TMTC2: variants seen among roughly 807,000 people sequenced by gnomAD.
TMTC2 encodes transmembrane O-mannosyltransferase targeting cadherins 2, also known as protein O-mannosyl-transferase TMTC2.
In TMTC2, 43 loss-of-function variants were observed where a neutral mutation model predicts 82.4. The ratio of observed to expected loss-of-function variants is 0.52; its 90% confidence interval spans 0.41 to 0.67. The LOEUF is 0.67. Ranked by LOEUF, TMTC2 falls within the 30% of genes least tolerant of loss-of-function variation. TMTC2 has a pLI of 0.00. For missense variants in TMTC2, 919 were observed against 1,012.4 expected (o/e 0.91, Z 1.25); for synonymous variants, 408 against 381.9 (o/e 1.07, Z -0.80).
intron 2 of TMTC2, among the ~76,000 whole-genome samples, chr12:82,879,255 G>C (rs561683285): frequency 1.3e-5 from 2 of 152,260 alleles, no homozygotes; most frequent in African/African-American, 4.8e-5. Context: ...GGGTATTGTA[G>C]GGTTTAGTGT....
chr12:82,727,715 T>A (rs1874533354), intron 1 of TMTC2, among the ~76,000 whole-genome samples: 1 of 143,662 alleles, frequency 7.0e-6, no homozygotes, highest in African/African-American at 2.5e-5. Context: ...AGTGAGAGTG[T>A]CTCAAAAAAA....
intron 4 of TMTC2, among the ~76,000 whole-genome samples, chr12:82,935,263 T>C (rs1038321377): frequency 6.6e-6 from 1 of 152,152 alleles, no homozygotes; most frequent in African/African-American, 2.4e-5. Context: ...TTACAGACAA[T>C]AGTTATATAA....
At chr12:82,764,916 G>A (rs1441423224) in intron 1 of TMTC2, among the ~76,000 whole-genome samples, 3 of 144,878 alleles carry the variant, frequency 2.1e-5, no homozygotes, top group Non-Finnish European at 4.5e-5. Flanking sequence ...TTTTACGTAA[G>A]ACAACACAGA....
chr12:82,896,580 A>G lies in TMTC2; in HGVS notation c.1417A>G (p.Arg473Gly). 1 of 1,614,098 alleles carries G rather than the reference A, an allele frequency of 6.2e-7. No homozygotes were observed. The highest frequency in any genetic ancestry group is 8.5e-7 in the Non-Finnish European group (1 of 1,180,004). ...IVFYGLKTAI[R>G]NGDWQNEEML... ...TTTTTATGGACTCAAGACTGCGATC[A>G]GGAATGGAGACTGGCAGAATGAGGA... is the stretch of plus-strand genomic sequence containing the variant. Residue 473 changes from arginine (R) to glycine (G), a missense_variant, in exon 3 of 12, where the codon AGG becomes GGG. Arg to Gly is a moderately radical substitution (Grantham distance 125). Coordinates refer to ENST00000321196, the MANE Select transcript of TMTC2 (RefSeq NM_152588.3).
Position 83,061,869 on chromosome 12 carries a change from T to G in TMTC2, c.2331+38T>G, listed in dbSNP as rs1395879442. ...CTAATGAGAAACATTTTCAGAGGGA[T>G]AGACTCCAAGCATATGATAGGTGTA... On this transcript the variant is annotated intron_variant, in intron 11 of 11. Transcript: ENST00000321196. 5 of 1,488,878 alleles carry G rather than the reference T, an allele frequency of 3.4e-6. No homozygotes were observed. In the Admixed American group the frequency reaches 6.0e-5, roughly 18 times the overall value. The allele number at this position is 1,488,878 out of a possible 1,614,324, so 92.2% of individuals were successfully genotyped here. A position where few individuals can be genotyped will look rare whatever the true frequency, so the allele number is the denominator to read the frequency against.
At chr12:82,704,368 C>T (rs77194844) in intron 1 of TMTC2, among the ~76,000 whole-genome samples, 1,819 of 152,054 alleles carry the variant, frequency 0.012, 19 homozygotes, top group Non-Finnish European at 0.02. Flanking sequence ...AAAATTTAAA[C>T]ATAAACTAGA....
At chr12:83,020,109 T>A (rs1482023969) in intron 8 of TMTC2, among the ~76,000 whole-genome samples, 1 of 152,226 alleles carries the variant, frequency 6.6e-6, no homozygotes, top group Non-Finnish European at 1.5e-5. Context: ...AAACCTTCCT[T>A]GAGTATTTCC....
chr12:82,857,264 G>A lies in TMTC2; in HGVS notation c.338G>A (p.Gly113Glu). 2.5e-6 allele frequency: 4 copies of A among 1,614,170 alleles called. No individual in the cohort carries two copies. The highest frequency in any genetic ancestry group is 3.4e-6 in the Non-Finnish European group (4 of 1,180,040). ...TTCTCCAAGATCCTCCTTGGTGATGGATACTGGACATTCATGGCTGGCTTG... is the reference window on the plus strand; with the variant it reads ...TTCTCCAAGATCCTCCTTGGTGATGAATACTGGACATTCATGGCTGGCTTG... Reference protein sequence around the residue: ...TSFSKILLGDGYWTFMAGLMF... With the variant: ...TSFSKILLGDEYWTFMAGLMF... Residue 113 changes from glycine (G) to glutamate (E), a missense_variant, in exon 2 of 12, where the codon GGA becomes GAA. Gly to Glu is a moderately conservative substitution (Grantham distance 98). Transcript: ENST00000321196.
At chr12:82,704,764 T>A (rs1170273321) in intron 1 of TMTC2, among the ~76,000 whole-genome samples, 3 of 152,188 alleles carry the variant, frequency 2.0e-5, no homozygotes, top group African/African-American at 7.2e-5. Context: ...CTAACAAATT[T>A]CTGTTCTGTA....
At chr12:82,830,550 C>T (rs1869694153) in intron 1 of TMTC2, among the ~76,000 whole-genome samples, 1 of 152,110 alleles carries the variant, frequency 6.6e-6, no homozygotes, top group Admixed American at 6.5e-5. Context: ...CTTACAATGA[C>T]ACCTTACCAT....
intron 2 of TMTC2, among the ~76,000 whole-genome samples, chr12:82,875,169 A>G (rs754607223): frequency 9.8e-5 from 15 of 152,308 alleles, no homozygotes; most frequent in African/African-American, 3.1e-4. Context: ...CTAAACTCAT[A>G]TGTATGAGTA....
chr12:82,761,386 G>T (rs972276109), intron 1 of TMTC2, among the ~76,000 whole-genome samples: 9 of 152,178 alleles, frequency 5.9e-5, no homozygotes, highest in Non-Finnish European at 8.8e-5. Context: ...GAGCAATGAG[G>T]GTGGGGATGA....
chr12:83,001,656 A>T (rs1274524724), intron 8 of TMTC2, among the ~76,000 whole-genome samples: 2 of 148,628 alleles, frequency 1.3e-5, no homozygotes. Flanking sequence ...AAAAAAAAAG[A>T]AAAAGAAAAA....
At chr12:83,068,585 T>A (rs891608235) in intron 11 of TMTC2, among the ~76,000 whole-genome samples, 4 of 152,170 alleles carry the variant, frequency 2.6e-5, no homozygotes, top group Non-Finnish European at 5.9e-5. Flanking sequence ...AGGCATTGAT[T>A]TTATGTGGAT....
intron 8 of TMTC2, among the ~76,000 whole-genome samples, chr12:83,029,285 T>A (rs749128686): frequency 6.6e-6 from 1 of 152,096 alleles, no homozygotes; most frequent in African/African-American, 2.4e-5. Context: ...CACAAATTCA[T>A]AAGCTTTCTT....
At chr12:83,128,522 C>T (rs891955619) in intron 11 of TMTC2, among the ~76,000 whole-genome samples, 3 of 152,156 alleles carry the variant, frequency 2.0e-5, no homozygotes, top group African/African-American at 7.2e-5. Context: ...TTGTTCTATA[C>T]ATTATAAGCT....
intron 1 of TMTC2, among the ~76,000 whole-genome samples, chr12:82,774,633 A>ATTTTTTT (rs1211938967): frequency 7.6e-6 from 1 of 131,020 alleles, no homozygotes; most frequent in Non-Finnish European, 1.6e-5. Context: ...AAAAAGAACA[A>ATTTTTTT]TTTTTTTTTT....
chr12:82,985,544 T>A (rs1218655055), intron 7 of TMTC2, among the ~76,000 whole-genome samples: 1 of 152,076 alleles, frequency 6.6e-6, no homozygotes, highest in Non-Finnish European at 1.5e-5. Flanking sequence ...TATAAATACT[T>A]GAATTTCTAA....
At chr12:82,876,260 G>A in intron 2 of TMTC2, among the ~76,000 whole-genome samples, 1 of 151,008 alleles carries the variant, frequency 6.6e-6, no homozygotes, top group South Asian at 2.1e-4. Flanking sequence ...TGATGTTGAT[G>A]GGATGGTAGT....
Sources: gnomAD v4.1 joint callset for allele counts (sites outside exome capture counted in the v4.1 genomes callset) on GRCh38, gnomAD v4.1.1 for gene constraint, MANE v1.5 for transcripts, NCBI Gene and HGNC (gene_info 2026-07-23, HGNC 2026-07-21) for gene names.